The following INO80D variants were observed in gnomAD, a reference collection of about 807,000 sequenced individuals.
The protein encoded by INO80D is INO80 complex subunit D.
Under a neutral mutation model 87.6 loss-of-function variants are expected in INO80D, and 21 were observed. The observed-to-expected ratio is 0.24, with a 90% CI of 0.17 to 0.35. The LOEUF (loss-of-function observed/expected upper bound fraction) is 0.35. Ranked by LOEUF, INO80D falls within the 10% of genes least tolerant of loss-of-function variation. INO80D has a pLI of 1.00. For missense variants in INO80D, 982 were observed against 1,280.7 expected (o/e 0.77, Z 3.56); for synonymous variants, 440 against 491.0 (o/e 0.90, Z 1.37).
At chr2:206,050,320 G>A (rs1289062394) in intron 4 of INO80D, among the ~76,000 whole-genome samples, 3 of 150,580 alleles carry the variant, frequency 2.0e-5, no homozygotes, top group South Asian at 2.1e-4. Context: ...CTGAAACCCC[G>A]TCTCTACTAA....
intron 6 of INO80D, among the ~76,000 whole-genome samples, chr2:206,024,949 C>T (rs1228981756): frequency 2.6e-5 from 4 of 151,846 alleles, no homozygotes; most frequent in Non-Finnish European, 5.9e-5. Flanking sequence ...AGAGACAAGG[C>T]TTCACTATGT....
rs1458027628 is a variant in INO80D at position 205,998,364 on chromosome 2, T to C, written c.*6004A>G. ...GGCCCCAGGATATCCTTTTATTTTA[T>C]ATATCTGCAAGGTAGCAAAGGATAG... is the stretch of plus-strand genomic sequence containing the variant. On this transcript the variant is annotated 3_prime_UTR_variant, in exon 11 of 11. Transcript: ENST00000403263. 1.3e-5 allele frequency: 2 copies of C among 149,858 alleles called. No homozygotes were observed. Among genetic ancestry groups the C allele is most frequent in the East Asian group, 3.9e-4 (2 of 5,104 alleles). 9.3% of individuals were successfully genotyped at this position (149,858 alleles called of 1,614,324 possible). A position where few individuals can be genotyped will look rare whatever the true frequency, so the allele number is the denominator to read the frequency against.
At position 205,999,051 on chromosome 2, in the gene INO80D, C is replaced by G. The variant is rs1009456056; in HGVS notation, c.*5317G>C. On this transcript the variant is annotated 3_prime_UTR_variant, in exon 11 of 11. Transcript: ENST00000403263. ...TGGAGTCATTTTAGGGCAAATCAGT[C>G]TATTCCCCCAGGTAGAACCAATGGT... 1 of 152,188 alleles carries G rather than the reference C, an allele frequency of 6.6e-6. No individual in the cohort carries two copies. The highest frequency in any genetic ancestry group is 1.5e-5 in the Non-Finnish European group (1 of 68,046). 9.4% of individuals were successfully genotyped at this position (152,188 alleles called of 1,614,324 possible).
rs1687922832 is a variant in INO80D, at chr2:206,002,495, C to T, written c.*1873G>A. 1 of 152,130 alleles carries T rather than the reference C, an allele frequency of 6.6e-6. No homozygotes were observed. The highest frequency in any genetic ancestry group is 2.4e-5 in the African/African-American group (1 of 41,440). 9.4% of individuals were successfully genotyped at this position (152,130 alleles called of 1,614,324 possible). A position where few individuals can be genotyped will look rare whatever the true frequency, so the allele number is the denominator to read the frequency against. ...TTAAAAAAACTAAATATATTACAAA[C>T]ATATTTTTGGCCCACAAAAAGAAAC... On this transcript the variant is annotated 3_prime_UTR_variant, in exon 11 of 11. Coordinates refer to ENST00000403263, the MANE Select transcript of INO80D (RefSeq NM_017759.5).
At chr2:206,078,722 G>A (rs1278652355) in intron 1 of INO80D, among the ~76,000 whole-genome samples, 1 of 152,114 alleles carries the variant, frequency 6.6e-6, no homozygotes, top group Non-Finnish European at 1.5e-5. Context: ...CAAGGCAGGT[G>A]GATCACGAGA....
At chr2:206,030,882 TA>T (rs993924691) in intron 5 of INO80D, among the ~76,000 whole-genome samples, 37 of 152,014 alleles carry the variant, frequency 2.4e-4, no homozygotes. Context: ...AGAAGGCAGT[TA>T]AAAAATTACT....
chr2:206,047,227 T>C (rs562762605), intron 4 of INO80D, among the ~76,000 whole-genome samples: 99 of 151,970 alleles, frequency 6.5e-4, no homozygotes, highest in African/African-American at 2.3e-3. Flanking sequence ...TTTCTTTTCT[T>C]TTTTTTTGAG....
chr2:206,075,593 T>C (rs1357936754), intron 1 of INO80D, among the ~76,000 whole-genome samples: 21 of 151,734 alleles, frequency 1.4e-4, no homozygotes, highest in African/African-American at 5.1e-4. Flanking sequence ...AGCACCACCA[T>C]GCCCCGCTAA....
chr2:206,007,476 C>T (rs1249005316), intron 9 of INO80D, 35 bp from the exon 10 acceptor site: 2 of 1,572,652 alleles, frequency 1.3e-6, no homozygotes, highest in Non-Finnish European at 1.7e-6. Context: ...CCATAACTCC[C>T]CCATTATCTT....
intron 1 of INO80D, among the ~76,000 whole-genome samples, chr2:206,080,929 A>AT: frequency 6.9e-6 from 1 of 144,066 alleles, no homozygotes; most frequent in South Asian, 2.1e-4. Context: ...AAAAAAAAAG[A>AT]ATATTAAAAA....
intron 6 of INO80D, chr2:206,025,605 T>C (rs1288104185): frequency 6.8e-6 from 1 of 147,042 alleles, no homozygotes; most frequent in East Asian, 2.0e-4. Context: ...CTGGTCCATA[T>C]GCAGTGGTTT....
intron 1 of INO80D, among the ~76,000 whole-genome samples, chr2:206,068,929 G>A (rs937422310): frequency 9.2e-5 from 14 of 152,054 alleles, no homozygotes; most frequent in African/African-American, 2.2e-4. Flanking sequence ...TTGAACTTCC[G>A]GTCTCAAGTG....
intron 1 of INO80D, among the ~76,000 whole-genome samples, chr2:206,066,860 A>G (rs1689830261): frequency 6.6e-6 from 1 of 152,138 alleles, no homozygotes; most frequent in Non-Finnish European, 1.5e-5. Flanking sequence ...GGATAGAACT[A>G]GAAGACATTA....
chr2:206,053,535 C>A (rs1257346581), intron 4 of INO80D, among the ~76,000 whole-genome samples: 1 of 151,944 alleles, frequency 6.6e-6, no homozygotes, highest in East Asian at 1.9e-4. Context: ...GATGGTTTAA[C>A]AACAGGTGAA....
chr2:206,031,874 C>T (rs1485744587), intron 5 of INO80D, among the ~76,000 whole-genome samples: 1 of 152,284 alleles, frequency 6.6e-6, no homozygotes, highest in African/African-American at 2.4e-5. Flanking sequence ...GCCCAAACTG[C>T]GGAAGTAGGA....
intron 4 of INO80D, among the ~76,000 whole-genome samples, chr2:206,053,910 G>A (rs1407494559): frequency 1.3e-5 from 2 of 150,466 alleles, no homozygotes; most frequent in African/African-American, 2.4e-5. Context: ...CACAATCTCC[G>A]CTCACTGCAA....
At chr2:206,054,642 T>C (rs371134276) in intron 4 of INO80D, among the ~76,000 whole-genome samples, 4 of 152,030 alleles carry the variant, frequency 2.6e-5, no homozygotes, top group African/African-American at 9.7e-5. Context: ...GCCTCTCAAA[T>C]AGCTGGGACT....
chr2:206,072,534 T>A (rs1690002318), intron 1 of INO80D, among the ~76,000 whole-genome samples: 1 of 152,068 alleles, frequency 6.6e-6, no homozygotes, highest in African/African-American at 2.4e-5. Flanking sequence ...CACTTCAGCC[T>A]CCCAAAGTGC....
At chr2:206,049,776 GT>G (rs1230455571) in intron 4 of INO80D, among the ~76,000 whole-genome samples, 1 of 152,128 alleles carries the variant, frequency 6.6e-6, no homozygotes, top group Non-Finnish European at 1.5e-5. Flanking sequence ...ACTATTTCTG[GT>G]TTCCCCAAAG....
Sources: allele counts gnomAD v4.1 joint callset (sites outside exome capture counted in the v4.1 genomes callset), GRCh38; gene constraint gnomAD v4.1.1; transcripts MANE v1.5; gene names NCBI Gene and HGNC (gene_info 2026-07-23, HGNC 2026-07-21).